The following ARHGEF11 variants were observed in gnomAD, a reference collection of about 807,000 sequenced individuals.
The protein encoded by ARHGEF11 is Rho guanine nucleotide exchange factor 11, also known as Rho guanine exchange factor (GEF) 11.
In ARHGEF11, 55 loss-of-function variants were observed where a neutral mutation model predicts 193.7. The ratio of observed to expected loss-of-function variants is 0.28; its 90% confidence interval spans 0.23 to 0.36. The LOEUF is 0.36. ARHGEF11 is among the 10% of genes least tolerant of loss of function. The pLI is 1.00. For missense variants in ARHGEF11, 1,723 were observed against 2,005.6 expected, an observed-to-expected ratio of 0.86 and a Z score of 2.69; for synonymous variants, 693 against 768.0, an observed-to-expected ratio of 0.90 and a Z score of 1.62.
At chr1:157,009,454 T>A (rs1175891479) in intron 1 of ARHGEF11, among the ~76,000 whole-genome samples, 1 of 152,212 alleles carries the variant, frequency 6.6e-6, no homozygotes, top group Admixed American at 6.5e-5. Context: ...TTGTGCAATG[T>A]ACAAATAAGA....
intron 1 of ARHGEF11, among the ~76,000 whole-genome samples, chr1:156,989,377 T>C (rs1020360132): frequency 2.6e-5 from 4 of 152,098 alleles, no homozygotes; most frequent in Non-Finnish European, 4.4e-5. Context: ...TCTTTTCCAC[T>C]CTCCAGTCCA....
intron 3 of ARHGEF11, among the ~76,000 whole-genome samples, chr1:156,981,003 A>G (rs6674659): frequency 0.17 from 25,281 of 152,154 alleles, 2,166 homozygotes; most frequent in East Asian, 0.33. Context: ...TTCTTTTAAA[A>G]AAACTGTTTT....
At chr1:156,984,892 T>G (rs11809091) in intron 2 of ARHGEF11, among the ~76,000 whole-genome samples, 6 of 152,190 alleles carry the variant, frequency 3.9e-5, no homozygotes, top group African/African-American at 1.4e-4. Flanking sequence ...TTGTTGATTC[T>G]TTTTATAGAG....
At chr1:156,950,883 A>G (rs1252885756) in intron 22 of ARHGEF11, among the ~76,000 whole-genome samples, 4 of 152,224 alleles carry the variant, frequency 2.6e-5, no homozygotes, top group Non-Finnish European at 5.9e-5. Flanking sequence ...AATTTTAGAC[A>G]TGACTTGACT....
In ARHGEF11 at chr1:157,002,942, A is replaced by G. The variant is rs369470607; in HGVS notation, c.33-16769T>C. ...ACTCATCCATAAAATGGGGATAATA[A>G]TAGAGAGAATTCATAAGAATGTTAG... On this transcript the variant is annotated intron_variant, in intron 1 of 40. Transcript: ENST00000368194. Among the ~76,000 whole-genome samples the G allele has an allele frequency of 1.5e-3, 224 of 152,350 alleles. 7 individuals are homozygous for G. The South Asian group carries it at 0.045, about 30-fold the overall frequency.
intron 1 of ARHGEF11, among the ~76,000 whole-genome samples, chr1:157,036,206 C>CATATATGAATACATATATGAATATATAT (rs1557992107): frequency 7.1e-6 from 1 of 140,440 alleles, no homozygotes; most frequent in Non-Finnish European, 1.5e-5. Flanking sequence ...AATATATATA[C>CATATATGAATACATATATGAATATATAT]ATATATATAT....
chr1:156,960,605 A>C, intron 14 of ARHGEF11, 145 bp from the exon 15 acceptor site: 1 of 681,888 alleles, frequency 1.5e-6, no homozygotes, highest in Non-Finnish European at 2.5e-6. Flanking sequence ...TCACTCTCCA[A>C]CTGCACACCT....
Position 156,958,823 on chromosome 1 carries a change from T to C in ARHGEF11, c.1421A>G (p.Asn474Ser). 2 of 1,614,184 alleles carry C rather than the reference T, an allele frequency of 1.2e-6. No homozygotes were observed. Among genetic ancestry groups the C allele is most frequent in the South Asian group, 1.1e-5 (1 of 91,066 alleles). The change falls in exon 17 of 41, where the codon AAT becomes AGT. Residue 474 changes from asparagine (N) to serine (S), a missense_variant. Physicochemically the swap from Asn to Ser is conservative, Grantham distance 46. Coordinates refer to ENST00000368194, the MANE Select transcript of ARHGEF11 (RefSeq NM_198236.3). Reference sequence around the variant, plus strand: ...GTCCCCATCCAGGTCCAGCAGGTCATTTTCACCATACAGGCTGCCCAGCCC... The same window carrying C: ...GTCCCCATCCAGGTCCAGCAGGTCACTTTCACCATACAGGCTGCCCAGCCC... ...TLGLGSLYGENDLLDLDGDPL... is the reference protein window; with the variant it reads ...TLGLGSLYGESDLLDLDGDPL...
At chr1:156,985,986 C>G in intron 2 of ARHGEF11, 96 bp downstream of exon 2, 1 of 1,014,718 alleles carries the variant, frequency 9.9e-7, no homozygotes, top group Non-Finnish European at 1.5e-6. Flanking sequence ...CTCTTCGGCT[C>G]AAGCGATCCT....
At chr1:156,964,101 C>T (rs1430115061) in intron 11 of ARHGEF11, among the ~76,000 whole-genome samples, 1 of 152,136 alleles carries the variant, frequency 6.6e-6, no homozygotes, top group Admixed American at 6.5e-5. Context: ...AGATCTCTGC[C>T]TCTCTGAACA....
chr1:156,982,172 G>A (rs73010525), intron 3 of ARHGEF11, among the ~76,000 whole-genome samples: 2,228 of 152,132 alleles, frequency 0.015, 47 homozygotes, highest in African/African-American at 0.045. Flanking sequence ...AACACGTGAG[G>A]TGACTTCTAA....
At chr1:157,043,876 G>T (rs771017252) in intron 1 of ARHGEF11, among the ~76,000 whole-genome samples, 1 of 152,148 alleles carries the variant, frequency 6.6e-6, no homozygotes, top group Non-Finnish European at 1.5e-5. Context: ...AACCAGCCTG[G>T]TGGAGGCCCA....
Position 156,939,880 on chromosome 1 carries a change from C to G in ARHGEF11, c.3764G>C (p.Ser1255Thr). Residue 1255 changes from serine (S) to threonine (T), a missense_variant, in exon 37 of 41, where the codon AGC (serine) becomes ACC (threonine). Around this residue, in one of 5 missense-constraint regions of ARHGEF11, gnomAD observed 203 missense variants for 237.3 expected, o/e 0.86. Transcript: ENST00000368194. ...TTCCATGGTGTGACCTGGCAGCAGG[C>G]TCCACAGGATCAGATGTCGCAGGTT... ...VENLRHLILW[S>T]LLPGHTMETQ... The G allele has an allele frequency of 6.2e-7, 1 of 1,608,620 alleles. No homozygotes were observed. Among genetic ancestry groups the G allele is most frequent in the Non-Finnish European group, 8.5e-7 (1 of 1,179,890 alleles).
intron 37 of ARHGEF11, chr1:156,939,295 A>G (rs1192681862): frequency 1.9e-6 from 1 of 535,978 alleles, no homozygotes; most frequent in African/African-American, 1.9e-5. Context: ...GCTATAAAAC[A>G]AAGTTCAGAG....
intron 3 of ARHGEF11, 31 bp from the exon 4 acceptor site, chr1:156,980,517 C>T (rs1663972544): frequency 6.4e-7 from 1 of 1,573,606 alleles, no homozygotes; most frequent in Admixed American, 1.8e-5. Flanking sequence ...CAGCAGTGCC[C>T]AACAACCTCT....
intron 18 of ARHGEF11, 50 bp downstream of exon 18, chr1:156,957,742 C>T (rs763383707): frequency 1.2e-5 from 19 of 1,595,352 alleles, no homozygotes; most frequent in Non-Finnish European, 1.6e-5. Flanking sequence ...TAGCTCAACC[C>T]CACTCCTTCC....
intron 1 of ARHGEF11, among the ~76,000 whole-genome samples, chr1:157,024,540 T>G (rs1176076651): frequency 6.6e-6 from 1 of 152,212 alleles, no homozygotes; most frequent in Non-Finnish European, 1.5e-5. Flanking sequence ...GAAGGTTAGA[T>G]GAAGTAGCAA....
chr1:156,963,415 G>A, intron 12 of ARHGEF11, 105 bp downstream of exon 12: 11 of 1,494,364 alleles, frequency 7.4e-6, no homozygotes, highest in South Asian at 1.1e-5. Context: ...GAGGCTCCCC[G>A]CCTCAAGTTC....
intron 1 of ARHGEF11, among the ~76,000 whole-genome samples, chr1:156,986,475 G>A (rs368078978): frequency 2.0e-5 from 3 of 152,162 alleles, no homozygotes; most frequent in Non-Finnish European, 1.5e-5. Context: ...ATGTGCACAC[G>A]TGTACATGCT....
Sources: allele counts gnomAD v4.1 joint callset (sites outside exome capture counted in the v4.1 genomes callset), GRCh38; gene constraint gnomAD v4.1.1; regional missense constraint gnomAD v4.1.1; transcripts MANE v1.5; gene names NCBI Gene and HGNC (gene_info 2026-07-23, HGNC 2026-07-21).